The following FAT3 variants were observed in gnomAD, a reference collection of about 807,000 sequenced individuals.
The protein encoded by FAT3 is protocadherin Fat 3.
A neutral mutation model predicts 310.2 loss-of-function variants in FAT3; 95 were observed. The ratio of observed to expected loss-of-function variants is 0.31; its 90% CI spans 0.26 to 0.36. The LOEUF is 0.36. Among genes scored for constraint, FAT3 ranks in the 10% least tolerant of loss-of-function variants. The pLI, the probability that FAT3 is intolerant of heterozygous loss-of-function variation, is 1.00. For missense variants in FAT3, 5,408 were observed against 5,715.6 expected (o/e 0.95, Z 1.74); for synonymous variants, 2,314 against 2,192.9 (o/e 1.06, Z -1.54).
At chr11:92,361,894 A>G (rs746440962) in intron 2 of FAT3, among the ~76,000 whole-genome samples, 2 of 152,244 alleles carry the variant, frequency 1.3e-5, no homozygotes, top group Non-Finnish European at 2.9e-5. Context: ...TGGGTATCTG[A>G]CAGGTCAGAA....
chr11:92,644,635 T>G (rs1202792333), intron 3 of FAT3, among the ~76,000 whole-genome samples: 2 of 152,218 alleles, frequency 1.3e-5, no homozygotes, highest in Non-Finnish European at 2.9e-5. Flanking sequence ...TCCCCTTTGC[T>G]TTGCAATACA....
At chr11:92,504,857 TGC>T (rs751434594) in intron 2 of FAT3, among the ~76,000 whole-genome samples, 91 of 152,138 alleles carry the variant, frequency 6.0e-4, no homozygotes, top group Non-Finnish European at 9.9e-4. Context: ...CATAGAAAAC[TGC>T]AGAATTGTGT....
chr11:92,415,849 C>CTTTTTTTTTTTTTTTTTTTTTTTTT (rs1196695394), intron 2 of FAT3, among the ~76,000 whole-genome samples: 1 of 70,440 alleles, frequency 1.4e-5, no homozygotes, highest in African/African-American at 5.3e-5. Context: ...AGCATTTTTG[C>CTTTTTTTTTTTTTTTTTTTTTTTTT]TTTTTTTTTT....
intron 2 of FAT3, among the ~76,000 whole-genome samples, chr11:92,358,797 C>A (rs2134663368): frequency 6.6e-6 from 1 of 152,174 alleles, no homozygotes; most frequent in African/African-American, 2.4e-5. Context: ...CAATTTTTTG[C>A]TTCCAAGTGC....
intron 21 of FAT3, among the ~76,000 whole-genome samples, chr11:92,859,666 T>C (rs1949073630): frequency 6.6e-6 from 1 of 152,212 alleles, no homozygotes; most frequent in Non-Finnish European, 1.5e-5. Flanking sequence ...GCTGTATCGT[T>C]TTCTACCACA....
At chr11:92,325,630 T>C (rs2134512180) in intron 1 of FAT3, among the ~76,000 whole-genome samples, 1 of 152,220 alleles carries the variant, frequency 6.6e-6, no homozygotes, top group South Asian at 2.1e-4. Context: ...TGACATAGAT[T>C]AAGGGACATT....
intron 2 of FAT3, among the ~76,000 whole-genome samples, chr11:92,388,444 A>G (rs561300090): frequency 6.6e-6 from 1 of 152,296 alleles, no homozygotes; most frequent in East Asian, 1.9e-4. Context: ...CCTGGAAGAG[A>G]AATGGTAGGG....
At chr11:92,281,036 A>C (rs1946405949) in intron 1 of FAT3, among the ~76,000 whole-genome samples, 1 of 152,188 alleles carries the variant, frequency 6.6e-6, no homozygotes, top group Admixed American at 6.5e-5. Flanking sequence ...ATAGCAAAAA[A>C]TACTGTATTT....
At chr11:92,720,813 G>T (rs544196796) in intron 4 of FAT3, among the ~76,000 whole-genome samples, 95 of 152,118 alleles carry the variant, frequency 6.2e-4, no homozygotes, top group Non-Finnish European at 1.1e-3. Context: ...CTATACCTGT[G>T]CTTCAAATTC....
intron 2 of FAT3, among the ~76,000 whole-genome samples, chr11:92,431,772 T>C (rs1950786903): frequency 6.6e-6 from 1 of 152,214 alleles, no homozygotes; most frequent in South Asian, 2.1e-4. Context: ...TCCCCATTGC[T>C]TGTTTTTTTC....
At chr11:92,824,212 C>G (rs773870387) in intron 13 of FAT3, among the ~76,000 whole-genome samples, 52 of 152,088 alleles carry the variant, frequency 3.4e-4, no homozygotes, top group Non-Finnish European at 6.0e-4. Flanking sequence ...CAAAAATTAG[C>G]CGGGCATGGT....
At chr11:92,842,613 T>C (rs988128392) in intron 18 of FAT3, among the ~76,000 whole-genome samples, 11 of 152,222 alleles carry the variant, frequency 7.2e-5, no homozygotes, top group African/African-American at 2.7e-4. Flanking sequence ...GGCTCACACC[T>C]GTAATCCCAG....
intron 13 of FAT3, among the ~76,000 whole-genome samples, chr11:92,820,527 C>G (rs758517433): frequency 6.6e-6 from 1 of 152,084 alleles, no homozygotes; most frequent in Non-Finnish European, 1.5e-5. Context: ...GATCACTTGC[C>G]CCAGGGGAAG....
At chr11:92,260,598 T>C (rs1031615819) in intron 1 of FAT3, among the ~76,000 whole-genome samples, 1 of 152,096 alleles carries the variant, frequency 6.6e-6, no homozygotes, top group Non-Finnish European at 1.5e-5. Flanking sequence ...CATCCAGGTA[T>C]GTTACAGGAA....
chr11:92,836,877 T>C (rs1265925723), intron 16 of FAT3, among the ~76,000 whole-genome samples, 174 bp downstream of exon 16: 1 of 152,196 alleles, frequency 6.6e-6, no homozygotes, highest in Non-Finnish European at 1.5e-5. Flanking sequence ...GATAGAATTT[T>C]CTACCTATAA....
At chr11:92,265,799 C>T (rs899540305) in intron 1 of FAT3, among the ~76,000 whole-genome samples, 1 of 151,944 alleles carries the variant, frequency 6.6e-6, no homozygotes, top group African/African-American at 2.4e-5. Context: ...AAGGCACTAA[C>T]CCCACTCATG....
In FAT3 at chr11:92,798,050, A is replaced by C. The variant is rs1168534047; in HGVS notation, c.5037A>C (p.Glu1679Asp). 6.2e-7 allele frequency: 1 copy of C among 1,613,820 alleles called. No homozygotes were observed. Among genetic ancestry groups the C allele is most frequent in the Non-Finnish European group, 8.5e-7 (1 of 1,179,874 alleles). Residue 1679 changes from glutamate (E) to aspartate (D), a missense_variant, in exon 10 of 28, where the codon GAA becomes GAC. Physicochemically the swap from Glu to Asp is conservative, Grantham distance 45. Around this residue, in one of 5 missense-constraint regions of FAT3, gnomAD observed 4,588 missense variants for 4,809.8 expected, o/e 0.95. Transcript: ENST00000525166. ...PKFIHKDYQA[E>D]VNENVDIGTS... is the part of the protein sequence containing the mutation. ...TCATTCACAAAGACTACCAAGCAGAAGTAAATGAAAATGTTGACATTGGAA... is the reference window on the plus strand; with the variant it reads ...TCATTCACAAAGACTACCAAGCAGACGTAAATGAAAATGTTGACATTGGAA...
chr11:92,828,086 G>C (rs1287706649), intron 13 of FAT3, among the ~76,000 whole-genome samples: 1 of 151,938 alleles, frequency 6.6e-6, no homozygotes, highest in Admixed American at 6.6e-5. Flanking sequence ...TGCAGTAGGA[G>C]CATTAGACCA....
chr11:92,561,959 A>G (rs1456876946), intron 3 of FAT3, among the ~76,000 whole-genome samples: 1 of 152,138 alleles, frequency 6.6e-6, no homozygotes, highest in African/African-American at 2.4e-5. Flanking sequence ...ATAAATAAGA[A>G]CGTCTCCTGC....
Sources: gnomAD v4.1 joint callset for allele counts (sites outside exome capture counted in the v4.1 genomes callset) on GRCh38, gnomAD v4.1.1 for gene constraint, gnomAD v4.1.1 regional missense constraint, MANE v1.5 for transcripts, NCBI Gene and HGNC (gene_info 2026-07-23, HGNC 2026-07-21) for gene names.